Variants in TSPYL2 observed in about 807,000 individuals in gnomAD.
TSPYL2 encodes TSPY like 2.
In TSPYL2, 9 loss-of-function variants were observed where a neutral mutation model predicts 33.0. That is an observed-to-expected ratio of 0.27 (90% CI 0.16 to 0.48). The LOEUF (loss-of-function observed/expected upper bound fraction) is 0.48. TSPYL2 is among the 20% of genes least tolerant of loss of function. The pLI, the probability that TSPYL2 is intolerant of heterozygous loss-of-function variation, is 0.99. For missense variants in TSPYL2, 636 were observed against 586.2 expected, an observed-to-expected ratio of 1.08 and a Z score of -0.88; for synonymous variants, 330 against 233.6, an observed-to-expected ratio of 1.41 and a Z score of -3.77.
chrX:53,088,022 G>T lies in TSPYL2; in HGVS notation c.*83G>T. 1 of 963,793 alleles carries T rather than the reference G, an allele frequency of 1.0e-6. No individual in the cohort carries two copies. The highest frequency in any genetic ancestry group is 2.6e-5 in the Admixed American group (1 of 37,799). The allele number at this position is 963,793 out of a possible 1,213,427, so 79.4% of individuals were successfully genotyped here. On this transcript the variant is annotated 3_prime_UTR_variant, in exon 7 of 7. Transcript: ENST00000375442. ...CCTCCTCCTCAGCTAGGGCCACGCG[G>T]CCCCACATTGCACTTCTGGGGGGTG...
Position 53,083,118 on chromosome X carries a change from G to C in TSPYL2, c.620G>C (p.Arg207Thr). 8.3e-7 allele frequency: 1 copy of C among 1,210,645 alleles called. No individual in the cohort carries two copies. The highest frequency in any genetic ancestry group is 2.2e-5 in the Admixed American group (1 of 45,919). The change falls in exon 1 of 7, where the codon AGA becomes ACA. Residue 207 changes from arginine to threonine, a missense_variant. Physicochemically the swap from Arg to Thr is moderately conservative, Grantham distance 71. Coordinates refer to ENST00000375442, the MANE Select transcript of TSPYL2 (RefSeq NM_022117.4). ...AAGGTGAAGAGGGAAAGCAGAGAGAGAAATGCCGAGAGGATGGAGAGCATC... is the reference window on the plus strand; with the variant it reads ...AAGGTGAAGAGGGAAAGCAGAGAGACAAATGCCGAGAGGATGGAGAGCATC... The part of the protein sequence containing the change: ...QRKVKRESRE[R>T]NAERMESILQ...
Position 53,088,085 on chromosome X carries a change from G to C in TSPYL2, c.*146G>C. ...CACGGGTTTAAAGTTTATTTTTATG[G>C]TTTAGTCATTGCAGAGTTCTTATTT... On this transcript the variant is annotated 3_prime_UTR_variant, in exon 7 of 7. Transcript: ENST00000375442. 1.8e-6 allele frequency: 1 copy of C among 542,498 alleles called. No homozygotes were observed. Among genetic ancestry groups the C allele is most frequent in the South Asian group, 3.4e-5 (1 of 29,414 alleles). 44.7% of individuals were successfully genotyped at this position (542,498 alleles called of 1,213,427 possible).
rs781815242 is a variant in TSPYL2, at chrX:53,085,958, C to A, written c.1566C>A (p.Asn522Lys). 34 of 1,202,591 alleles carry A rather than the reference C, an allele frequency of 2.8e-5. No individual in the cohort carries two copies. The highest frequency in any genetic ancestry group is 3.5e-5 in the Non-Finnish European group (31 of 891,364). Reference sequence around the variant, plus strand: ...ACAACGAGAATCCTGAAGACAATAACAAGAACACTGATGACAACGAAGAGA... The same window carrying A: ...ACAACGAGAATCCTGAAGACAATAAAAAGAACACTGATGACAACGAAGAGA... ...DDNNENPEDN[N>K]KNTDDNEENP... is the part of the protein sequence containing the mutation. The change falls in exon 6 of 7, where the codon AAC becomes AAA. Residue 522 changes from asparagine (N) to lysine (K), a missense_variant. By Grantham distance (94) the Asn-to-Lys change is moderately conservative. Coordinates refer to ENST00000375442, the MANE Select transcript of TSPYL2 (RefSeq NM_022117.4).
At position 53,085,961 on chromosome X, in the gene TSPYL2, G is replaced by C; in HGVS notation, c.1569G>C (p.Lys523Asn). 1.7e-6 allele frequency: 2 copies of C among 1,202,618 alleles called. No homozygotes were observed. The highest frequency in any genetic ancestry group is 2.2e-6 in the Non-Finnish European group (2 of 890,733). Reference sequence around the variant, plus strand: ...ACGAGAATCCTGAAGACAATAACAAGAACACTGATGACAACGAAGAGAACC... The same window carrying C: ...ACGAGAATCCTGAAGACAATAACAACAACACTGATGACAACGAAGAGAACC... ...DNNENPEDNN[K>N]NTDDNEENPN... is the part of the protein sequence containing the mutation. Residue 523 changes from lysine to asparagine, a missense_variant, in exon 6 of 7, where the codon AAG becomes AAC. Physicochemically the swap from Lys to Asn is moderately conservative, Grantham distance 94. Transcript: ENST00000375442.
chrX:53,087,983 A>G lies in TSPYL2; in HGVS notation c.*44A>G, dbSNP rs1556809247. 8.5e-7 allele frequency: 1 copy of G among 1,176,260 alleles called. No homozygotes were observed. Among genetic ancestry groups the G allele is most frequent in the Non-Finnish European group, 1.2e-6 (1 of 869,190 alleles). On this transcript the variant is annotated 3_prime_UTR_variant, in exon 7 of 7. Transcript: ENST00000375442. ...GATCACCTCTCTGTATCCCCCACCC[A>G]CTATCCCATTTGCCCTCCTCCTCAG...
Position 53,087,583 on chromosome X carries a change from CCT to C in TSPYL2, c.1919-189_1919-188del, listed in dbSNP as rs781947972. ...CTGCCTTCCTGCCTCCCTCCATCTC[CCT>C]CTCATTCTGTGGGCTTGCTTGAGTA... On this transcript the variant is annotated intron_variant, in intron 6 of 6. Coordinates refer to ENST00000375442, the MANE Select transcript of TSPYL2 (RefSeq NM_022117.4). 1.5e-3 allele frequency: 642 copies of C among 429,785 alleles called. 5 individuals are homozygous for C. Among genetic ancestry groups the C allele is most frequent in the African/African-American group, 0.014 (576 of 39,786 alleles). 35.4% of individuals were successfully genotyped at this position (429,785 alleles called of 1,213,427 possible).
At position 53,085,910 on chromosome X, in the gene TSPYL2, C is replaced by G; in HGVS notation, c.1518C>G (p.Asp506Glu). 8.3e-7 allele frequency: 1 copy of G among 1,211,131 alleles called. No homozygotes were observed. Among genetic ancestry groups the G allele is most frequent in the Non-Finnish European group, 1.1e-6 (1 of 895,249 alleles). The change falls in exon 6 of 7, where the codon GAC (aspartate) becomes GAG (glutamate). Residue 506 changes from aspartate (D) to glutamate (E), a missense_variant. Asp to Glu is a conservative substitution (Grantham distance 45). Coordinates refer to ENST00000375442, the MANE Select transcript of TSPYL2 (RefSeq NM_022117.4). ...GTGCTGATGACCACGAAACCACTGA[C>G]AACAATGAGAGTGCAGATGACAACA... ...NESADDHETTDNNESADDNNE... is the reference protein window; with the variant it reads ...NESADDHETTENNESADDNNE...
rs1029974372 is a variant in TSPYL2 at position 53,087,458 on chromosome X, G to A, written c.1919-318G>A. ...TGGAGATGAATAGGTTTATTCAGCT[G>A]AGGTCAGAGCTCAGGAAGAGACACA... On this transcript the variant is annotated intron_variant, in intron 6 of 6. Coordinates refer to ENST00000375442, the MANE Select transcript of TSPYL2 (RefSeq NM_022117.4). The A allele has an allele frequency of 1.7e-3, 379 of 221,469 alleles. 4 individuals are homozygous for A. Among genetic ancestry groups the A allele is most frequent in the Non-Finnish European group, 3.1e-4 (38 of 121,204 alleles). 18.3% of individuals were successfully genotyped at this position (221,469 alleles called of 1,213,427 possible).
Position 53,086,170 on chromosome X carries a change from A to G in TSPYL2, c.1778A>G (p.Asn593Ser), listed in dbSNP as rs782047479. The change falls in exon 6 of 7, where the codon AAT (asparagine) becomes AGT (serine). Residue 593 changes from asparagine to serine, a missense_variant. Coordinates refer to ENST00000375442, the MANE Select transcript of TSPYL2 (RefSeq NM_022117.4). ...GSDDDGNEGD[N>S]EGSDDDDRDI... Reference sequence around the variant, plus strand: ...GATGATGATGGCAATGAAGGTGACAATGAAGGCAGCGATGATGACGACAGA... The same window carrying G: ...GATGATGATGGCAATGAAGGTGACAGTGAAGGCAGCGATGATGACGACAGA... 22 of 1,205,845 alleles carry G rather than the reference A, an allele frequency of 1.8e-5. No individual in the cohort carries two copies. In the Admixed American group the frequency reaches 2.2e-4, roughly 12 times the overall value.
intron 1 of TSPYL2, 106 bp from the exon 2 acceptor site, chrX:53,084,439 G>A (rs1932708060): frequency 1.5e-6 from 1 of 686,804 alleles, no homozygotes; most frequent in Admixed American, 3.2e-5. Context: ...CATAAGCACA[G>A]AAGGAATCCT....
rs782649574 is a variant in TSPYL2 at position 53,082,895 on chromosome X, C to G, written c.397C>G (p.Gln133Glu). ...GGGGGGGAGCCTGGAAATCGATTTT[C>G]AGGTTGTACAGTCGAGCAGTTTTGG... ...ASGGSLEIDF[Q>E]VVQSSSFGGE... The change falls in exon 1 of 7, where the codon CAG becomes GAG. Residue 133 changes from glutamine to glutamate, a missense_variant. Physicochemically the swap from Gln to Glu is conservative, Grantham distance 29 (BLOSUM62 2). Coordinates refer to ENST00000375442, the MANE Select transcript of TSPYL2 (RefSeq NM_022117.4). The G allele has an allele frequency of 1.2e-5, 14 of 1,210,707 alleles. No homozygotes were observed. The highest frequency in any genetic ancestry group is 1.6e-5 in the Non-Finnish European group (14 of 895,201).
rs1037348813 is a variant in TSPYL2 at position 53,087,918 on chromosome X, G to A, written c.2061G>A (p.Gly687=). 8.3e-7 allele frequency: 1 copy of A among 1,210,146 alleles called. No homozygotes were observed. The highest frequency in any genetic ancestry group is 1.7e-5 in the African/African-American group (1 of 57,358). The change falls in exon 7 of 7, where the codon GGG becomes GGA. Residue 687 remains glycine (G), a synonymous_variant. Transcript: ENST00000375442. ...TCCCAAACGGTTGGGCCAATCCGGG[G>A]AAGAGGGGGAAAACCGGATAAGGGT... ...LQVPNGWANP[G]KRGKTG is the part of the protein sequence containing the mutation.
chrX:53,085,884 A>G lies in TSPYL2; in HGVS notation c.1492A>G (p.Ser498Gly). 5.0e-6 allele frequency: 6 copies of G among 1,211,865 alleles called. No individual in the cohort carries two copies. The highest frequency in any genetic ancestry group is 1.7e-5 in the African/African-American group (1 of 57,807). The part of the protein sequence containing the change: ...PNNETTDNNE[S>G]ADDHETTDNN... ...CAACGAGACCACTGATAACAACGAG[A>G]GTGCTGATGACCACGAAACCACTGA... The change falls in exon 6 of 7, where the codon AGT (serine) becomes GGT (glycine). Residue 498 changes from serine (S) to glycine (G), a missense_variant. Physicochemically the swap from Ser to Gly is moderately conservative, Grantham distance 56. Transcript: ENST00000375442.
At position 53,082,473 on chromosome X, in the gene TSPYL2, C is replaced by T. The variant is rs1556807095; in HGVS notation, c.-26C>T. On this transcript the variant is annotated 5_prime_UTR_variant, in exon 1 of 7. Transcript: ENST00000375442. Reference sequence around the variant, plus strand: ...AAAAGCGAAGGGGCGAGTGCGAGTCCCCTGAGCTGTACGAACGCGGTCGCC... The same window carrying T: ...AAAAGCGAAGGGGCGAGTGCGAGTCTCCTGAGCTGTACGAACGCGGTCGCC... 5 of 1,139,440 alleles carry T rather than the reference C, an allele frequency of 4.4e-6. No individual in the cohort carries two copies. In the South Asian group the frequency reaches 1.0e-4, roughly 23 times the overall value. 93.9% of individuals were successfully genotyped at this position (1,139,440 alleles called of 1,213,427 possible). A position where few individuals can be genotyped will look rare whatever the true frequency, so the allele number is the denominator to read the frequency against.
chrX:53,085,458 C>G, intron 5 of TSPYL2, 137 bp downstream of exon 5: 1 of 747,391 alleles, frequency 1.3e-6, no homozygotes, highest in Non-Finnish European at 1.9e-6. Flanking sequence ...GAAATCATGC[C>G]CAGAAATGGC....
chrX:53,087,511 GCTA>G (rs1932784113), intron 6 of TSPYL2: 1 of 368,404 alleles, frequency 2.7e-6, no homozygotes, highest in African/African-American at 2.5e-5. Flanking sequence ...GGGAGAAAAA[GCTA>G]CTATCAGAGA....
At position 53,082,602 on chromosome X, in the gene TSPYL2, T is replaced by C; in HGVS notation, c.104T>C (p.Leu35Pro). ...PPPPPPPPPL[L>P]RLPLPPPQQR... is the part of the protein sequence containing the mutation. Reference sequence around the variant, plus strand: ...CCGCCGCCGCCGCCGCCGCCGCTCCTCCGACTGCCGCTGCCTCCACCCCAG... The same window carrying C: ...CCGCCGCCGCCGCCGCCGCCGCTCCCCCGACTGCCGCTGCCTCCACCCCAG... Residue 35 changes from leucine to proline, a missense_variant, in exon 1 of 7, where the codon CTC (leucine) becomes CCC (proline). This residue lies in a region of TSPYL2 where 231 missense variants were observed against 201.6 expected (regional missense o/e 1.15). Coordinates refer to ENST00000375442, the MANE Select transcript of TSPYL2 (RefSeq NM_022117.4). 8.7e-7 allele frequency: 1 copy of C among 1,153,578 alleles called. No homozygotes were observed.
At chrX:53,087,478 GAC>G (rs1225965181) in intron 6 of TSPYL2, 6 of 266,889 alleles carry the variant, frequency 2.2e-5, no homozygotes, top group South Asian at 1.9e-4. Context: ...CTCAGGAAGA[GAC>G]ACACATTGAG....
chrX:53,087,928 A>G lies in TSPYL2; in HGVS notation c.2071A>G (p.Lys691Glu), dbSNP rs201621148. 5.0e-6 allele frequency: 6 copies of G among 1,209,496 alleles called. No homozygotes were observed. The highest frequency in any genetic ancestry group is 1.7e-5 in the African/African-American group (1 of 57,306). The change falls in exon 7 of 7, where the codon AAA becomes GAA. Residue 691 changes from lysine (K) to glutamate (E), a missense_variant. By Grantham distance (56) the Lys-to-Glu change is moderately conservative. Around this residue, in one of 3 missense-constraint regions of TSPYL2, gnomAD observed 401 missense variants for 363.0 expected, o/e 1.10. Transcript: ENST00000375442. Reference protein sequence around the residue: ...NGWANPGKRGKTG With the variant: ...NGWANPGKRGETG ...TTGGGCCAATCCGGGGAAGAGGGGG[A>G]AAACCGGATAAGGGTTTTCCCCTTT...
Sources: gnomAD v4.1 joint callset for allele counts on GRCh38, gnomAD v4.1.1 for gene constraint, gnomAD v4.1.1 regional missense constraint, MANE v1.5 for transcripts, NCBI Gene and HGNC (gene_info 2026-07-23, HGNC 2026-07-21) for gene names.